AGMAT: variants seen among roughly 807,000 people sequenced by gnomAD.
The protein encoded by AGMAT is guanidino acid hydrolase, mitochondrial.
Under a neutral mutation model 29.3 loss-of-function variants are expected in AGMAT, and 37 were observed. The observed-to-expected ratio is 1.26, with a 90% CI of 0.97 to 1.66. AGMAT has a LOEUF of 1.66. Among genes scored for constraint, AGMAT ranks in the 40% most tolerant of loss-of-function variants. The pLI is 0.00. For synonymous variants in AGMAT, 199 were observed against 200.8 expected, an observed-to-expected ratio of 0.99 and a Z score of 0.08; for missense variants, 498 against 497.8, an observed-to-expected ratio of 1.00 and a Z score of 0.00.
chr1:15,574,853 C>G lies in AGMAT; in HGVS notation c.901-12G>C. 6.2e-7 allele frequency: 1 copy of G among 1,609,608 alleles called. No homozygotes were observed. The highest frequency in any genetic ancestry group is 8.5e-7 in the Non-Finnish European group (1 of 1,176,088). ...ATGATCTCCAGAGCCTATTCAAGAT[C>G]AAGACTGAGTTGTCCACAGTGGTAA... On this transcript the variant is annotated splice_polypyrimidine_tract_variant and intron_variant, in intron 5 of 6. Transcript: ENST00000375826.
intron 4 of AGMAT, 69 bp from the exon 5 acceptor site, chr1:15,577,933 T>A: frequency 6.8e-7 from 1 of 1,473,158 alleles, no homozygotes; most frequent in East Asian, 2.3e-5. Flanking sequence ...GCCAGCCCCA[T>A]GCTCAGCTCT....
rs138589883 is a variant in AGMAT, at chr1:15,578,892, C to T, written c.687G>A (p.Thr229=). 28 of 1,614,010 alleles carry T rather than the reference C, an allele frequency of 1.7e-5. No individual in the cohort carries two copies. Among genetic ancestry groups the T allele is most frequent in the East Asian group, 8.9e-5 (4 of 44,884 alleles). Residue 229 remains threonine (T), a synonymous_variant, in exon 4 of 7, where the codon ACG becomes ACA. Coordinates refer to ENST00000375826, the MANE Select transcript of AGMAT (RefSeq NM_024758.5). ...GGTTGTATCTGTAGGGATCCAAGGT[C>T]GTGGAAGAGCCCCGGATGCCAATCT... ...VVQIGIRGSS[T]TLDPYRYNRS...
At position 15,578,871 on chromosome 1, in the gene AGMAT, G is replaced by A. The variant is rs1639074383; in HGVS notation, c.708C>T (p.Tyr236=). The A allele has an allele frequency of 6.2e-7, 1 of 1,614,072 alleles. No individual in the cohort carries two copies. Among genetic ancestry groups the A allele is most frequent in the Middle Eastern group, 1.6e-4 (1 of 6,062 alleles). The change falls in exon 4 of 7, where the codon TAC becomes TAT. Residue 236 remains tyrosine, a synonymous_variant. Coordinates refer to ENST00000375826, the MANE Select transcript of AGMAT (RefSeq NM_024758.5). ...GSSTTLDPYR[Y]NRSQGFRVVL... is the part of the protein sequence containing the mutation. The stretch of plus-strand genomic sequence containing the variant: ...TTCGGTCTGTCACCTGGCTCCGGTT[G>A]TATCTGTAGGGATCCAAGGTCGTGG...
chr1:15,581,155 C>G (rs1028354846), intron 2 of AGMAT, among the ~76,000 whole-genome samples: 1 of 151,996 alleles, frequency 6.6e-6, no homozygotes, highest in African/African-American at 2.4e-5. Flanking sequence ...CAAGGTCCAC[C>G]TGGGTAATAC....
At chr1:15,580,201 C>CTTTTTTT (rs34166013) in intron 2 of AGMAT, 59 bp from the exon 3 acceptor site, 23 of 569,074 alleles carry the variant, frequency 4.0e-5, no homozygotes, top group Admixed American at 1.5e-4. Flanking sequence ...ATAGAATAAT[C>CTTTTTTT]TTTTTTTTTT....
chr1:15,572,115 A>G lies in AGMAT; in HGVS notation c.*1536T>C, dbSNP rs910114743. Among the ~76,000 whole-genome samples, 1 of 142,730 alleles carries G rather than the reference A, an allele frequency of 7.0e-6. No individual in the cohort carries two copies. The highest frequency in any genetic ancestry group is 1.5e-5 in the Non-Finnish European group (1 of 66,390). The allele number at this position is 142,730 out of a possible 152,430, so 93.6% of individuals were successfully genotyped here. ...AGCTAAGATCGGGCCACTGCACTCCAGCCTGGGGGACAGAGCGAGACTCCA... is the reference window on the plus strand; with the variant it reads ...AGCTAAGATCGGGCCACTGCACTCCGGCCTGGGGGACAGAGCGAGACTCCA... On this transcript the variant is annotated 3_prime_UTR_variant, in exon 7 of 7. Transcript: ENST00000375826.
chr1:15,577,076 C>G (rs1303612927), intron 5 of AGMAT, among the ~76,000 whole-genome samples: 1 of 151,872 alleles, frequency 6.6e-6, no homozygotes, highest in Non-Finnish European at 1.5e-5. Context: ...AGAGAGGATA[C>G]TATAATGTTG....
At position 15,584,841 on chromosome 1, in the gene AGMAT, G is replaced by C. The variant is rs778310622; in HGVS notation, c.127C>G (p.Gln43Glu). The C allele has an allele frequency of 4.2e-6, 6 of 1,431,258 alleles. No individual in the cohort carries two copies. Among genetic ancestry groups the C allele is most frequent in the African/African-American group, 1.5e-5 (1 of 67,388 alleles). 88.7% of individuals were successfully genotyped at this position (1,431,258 alleles called of 1,614,324 possible). ...GCCACGAACTCGGGGCTGGGGGGCT[G>C]GTTCCGGGGCGCGTCGGAAGCCTGG... The part of the protein sequence containing the change: ...SRQASDAPRN[Q>E]PPSPEFVARP... Residue 43 changes from glutamine to glutamate, a missense_variant, in exon 1 of 7, where the codon CAG (glutamine) becomes GAG (glutamate). Physicochemically the swap from Gln to Glu is conservative, Grantham distance 29. Transcript: ENST00000375826.
At chr1:15,574,871 A>G in intron 5 of AGMAT, 30 bp from the exon 6 acceptor site, 1 of 1,577,734 alleles carries the variant, frequency 6.3e-7, no homozygotes, top group African/African-American at 1.3e-5. Flanking sequence ...AGTTGTCCAC[A>G]GTGGTAATCA....
chr1:15,584,633 C>T, intron 1 of AGMAT, 63 bp downstream of exon 1: 2 of 1,253,684 alleles, frequency 1.6e-6, no homozygotes, highest in South Asian at 7.6e-5. Flanking sequence ...CGGTGCTTTC[C>T]ATGCCCGACA....
At chr1:15,580,281 C>G in intron 2 of AGMAT, 139 bp from the exon 3 acceptor site, 1 of 674,646 alleles carries the variant, frequency 1.5e-6, no homozygotes, top group Non-Finnish European at 2.5e-6. Context: ...TCTCGGCTCA[C>G]TGCAACCTCT....
In AGMAT at chr1:15,580,080, C is replaced by G; in HGVS notation, c.524+14G>C. The G allele has an allele frequency of 6.2e-7, 1 of 1,612,972 alleles. No homozygotes were observed. The highest frequency in any genetic ancestry group is 8.5e-7 in the Non-Finnish European group (1 of 1,179,142). Reference sequence around the variant, plus strand: ...TTTTGAAATCTTGCTGGGCCCAAGCCATTTGAGACTTACTTTTTTGCCATC... The same window carrying G: ...TTTTGAAATCTTGCTGGGCCCAAGCGATTTGAGACTTACTTTTTTGCCATC... On this transcript the variant is annotated intron_variant, in intron 3 of 6. Transcript: ENST00000375826.
At chr1:15,578,571 A>C (rs953961794) in intron 4 of AGMAT, among the ~76,000 whole-genome samples, 3 of 151,830 alleles carry the variant, frequency 2.0e-5, no homozygotes, top group Non-Finnish European at 4.4e-5. Context: ...CTGGGATTAC[A>C]GGTGTGAGCC....
chr1:15,573,853 G>GC, intron 6 of AGMAT, 129 bp from the exon 7 acceptor site: 2 of 702,838 alleles, frequency 2.8e-6, no homozygotes, highest in South Asian at 3.6e-5. Context: ...CCCCTCTAGG[G>GC]TGCCCGCCAG....
intron 5 of AGMAT, among the ~76,000 whole-genome samples, chr1:15,577,143 A>G (rs1030734541): frequency 2.0e-5 from 3 of 152,098 alleles, no homozygotes; most frequent in Non-Finnish European, 4.4e-5. Context: ...GAGCAAATAA[A>G]GGACAAAATA....
rs1638976204 is a variant in AGMAT at position 15,572,810 on chromosome 1, A to ATTCT, written c.*840_*841insAGAA. The ATTCT allele has an allele frequency of 6.8e-6, 1 of 147,160 alleles. No homozygotes were observed. Among genetic ancestry groups the ATTCT allele is most frequent in the Non-Finnish European group, 1.5e-5 (1 of 67,584 alleles). The allele number at this position is 147,160 out of a possible 1,614,324, so 9.1% of individuals were successfully genotyped here. ...GATGCAGCCCTAAGCACCTCATAGG[A>ATTCT]GAAGCTGTATTTTTTTTTTTTTTTT... On this transcript the variant is annotated 3_prime_UTR_variant, in exon 7 of 7. Transcript: ENST00000375826.
intron 2 of AGMAT, 91 bp downstream of exon 2, chr1:15,583,102 G>T: frequency 8.4e-7 from 1 of 1,190,936 alleles, no homozygotes. Flanking sequence ...GTGGCTTGCA[G>T]GGGAGAAGTA....
At chr1:15,579,147 AGCC>A in intron 3 of AGMAT, 93 bp from the exon 4 acceptor site, 13 of 1,287,876 alleles carry the variant, frequency 1.0e-5, no homozygotes, top group Admixed American at 9.2e-5. Flanking sequence ...GACAATTCAC[AGCC>A]AAAAAGGGGA....
intron 5 of AGMAT, chr1:15,575,061 A>C: frequency 2.2e-6 from 1 of 459,966 alleles, no homozygotes; most frequent in Non-Finnish European, 4.0e-6. Flanking sequence ...TGATGGAGAC[A>C]AGGAAACCAA....
Sources: gnomAD v4.1 joint callset for allele counts (sites outside exome capture counted in the v4.1 genomes callset) on GRCh38, gnomAD v4.1.1 for gene constraint, MANE v1.5 for transcripts, NCBI Gene and HGNC (gene_info 2026-07-23, HGNC 2026-07-21) for gene names.